Variants in OXR1 observed in about 807,000 individuals in gnomAD.
OXR1 encodes the protein oxidation resistance protein 1.
A neutral mutation model predicts 104.6 loss-of-function variants in OXR1; 41 were observed. That is an observed-to-expected ratio of 0.39 (90% CI 0.31 to 0.51). The LOEUF (loss-of-function observed/expected upper bound fraction) is 0.51. Among genes scored for constraint, OXR1 ranks in the 20% least tolerant of loss-of-function variants. OXR1 has a pLI of 0.77. For missense variants in OXR1, 955 were observed against 1,031.9 expected (o/e 0.93, Z 1.02); for synonymous variants, 348 against 348.4 (o/e 1.00, Z 0.01).
chr8:106,706,008 TTC>T, intron 8 of OXR1, among the ~76,000 whole-genome samples: 1 of 152,286 alleles, frequency 6.6e-6, no homozygotes, highest in Middle Eastern at 3.4e-3. Context: ...AATTAAACAT[TTC>T]TCTGTGTTTA....
intron 2 of OXR1, among the ~76,000 whole-genome samples, chr8:106,449,235 T>TA (rs1423273330): frequency 6.6e-6 from 1 of 152,172 alleles, no homozygotes; most frequent in African/African-American, 2.4e-5. Context: ...ACTCTTCGTT[T>TA]AATTATAAGT....
At chr8:106,729,899 G>A (rs999256342) in intron 11 of OXR1, 5 of 152,070 alleles carry the variant, frequency 3.3e-5, no homozygotes, top group Non-Finnish European at 7.4e-5. Context: ...TGCAAGTTAT[G>A]AGGCATAATA....
At chr8:106,580,404 TTTTC>T (rs1282225582) in intron 3 of OXR1, among the ~76,000 whole-genome samples, 1 of 152,206 alleles carries the variant, frequency 6.6e-6, no homozygotes, top group Non-Finnish European at 1.5e-5. Context: ...CATGACAGGG[TTTTC>T]TTTCTATGAC....
At chr8:106,573,125 C>T (rs983434607) in intron 3 of OXR1, among the ~76,000 whole-genome samples, 11 of 152,088 alleles carry the variant, frequency 7.2e-5, no homozygotes, top group Non-Finnish European at 1.6e-4. Flanking sequence ...TTCCCTTTTA[C>T]TAAATCTTTT....
intron 2 of OXR1, among the ~76,000 whole-genome samples, chr8:106,489,397 G>A (rs1419423795): frequency 1.3e-5 from 2 of 152,170 alleles, no homozygotes; most frequent in African/African-American, 2.4e-5. Context: ...GGGTGAGTTT[G>A]AGCAATTGCC....
intron 2 of OXR1, among the ~76,000 whole-genome samples, chr8:106,464,897 T>C (rs1821094948): frequency 6.6e-6 from 1 of 152,002 alleles, no homozygotes; most frequent in Non-Finnish European, 1.5e-5. Context: ...ACATTTATAC[T>C]CATTCATTCA....
chr8:106,597,043 C>T (rs965440274), intron 3 of OXR1, among the ~76,000 whole-genome samples: 1 of 152,038 alleles, frequency 6.6e-6, no homozygotes, highest in African/African-American at 2.4e-5. Context: ...CAGAGCGAGA[C>T]TGCACCTCAA....
chr8:106,676,243 A>G (rs1482807069), intron 3 of OXR1, among the ~76,000 whole-genome samples: 1 of 151,956 alleles, frequency 6.6e-6, no homozygotes, highest in Non-Finnish European at 1.5e-5. Context: ...CAGCATATCA[A>G]TGTTCTTGGT....
intron 3 of OXR1, among the ~76,000 whole-genome samples, chr8:106,608,591 T>C (rs1820577280): frequency 6.6e-6 from 1 of 152,176 alleles, no homozygotes; most frequent in Non-Finnish European, 1.5e-5. Flanking sequence ...GGAAATAATT[T>C]TTCTATATGC....
chr8:106,301,215 G>A lies in OXR1; in HGVS notation c.-139+30848G>A, dbSNP rs7005872. On this transcript the variant is annotated intron_variant, in intron 1 of 16. Coordinates refer to ENST00000517566, the MANE Select transcript of OXR1 (RefSeq NM_001198533.2). ...AGAAGCAGCGCTTGTCACTGATAGG[G>A]TGTTGTTTATAAATTTTGCAGTCAC... is the stretch of plus-strand genomic sequence containing the variant. Among the ~76,000 whole-genome samples, 517 of 152,230 alleles carry A rather than the reference G, an allele frequency of 3.4e-3. 4 individuals are homozygous for A. Among genetic ancestry groups the A allele is most frequent in the African/African-American group, 0.011 (460 of 41,520 alleles).
chr8:106,274,603 C>A (rs1223443020), intron 1 of OXR1, among the ~76,000 whole-genome samples: 2 of 131,652 alleles, frequency 1.5e-5, no homozygotes, highest in Admixed American at 7.5e-5. Flanking sequence ...CAACGCCACC[C>A]CCCCCCCGAC....
chr8:106,693,499 G>A (rs1393645427), intron 7 of OXR1, among the ~76,000 whole-genome samples: 5 of 140,428 alleles, frequency 3.6e-5, no homozygotes, highest in African/African-American at 8.2e-5. Context: ...GCGTGATCTC[G>A]GCTCACTGCA....
At chr8:106,447,917 T>C in intron 2 of OXR1, 1 of 1,523,464 alleles carries the variant, frequency 6.6e-7, no homozygotes, top group Non-Finnish European at 8.8e-7. Context: ...AGGTAGTGGG[T>C]GGAGCTAACG....
chr8:106,327,161 TG>T (rs1395826881), intron 1 of OXR1, among the ~76,000 whole-genome samples: 2 of 152,170 alleles, frequency 1.3e-5, no homozygotes, highest in African/African-American at 4.8e-5. Context: ...GAACCTCCAA[TG>T]GTTAGCTCAT....
intron 3 of OXR1, among the ~76,000 whole-genome samples, chr8:106,590,943 CTTTTGAGATAAGTACACA>C (rs971508486): frequency 2.6e-5 from 4 of 152,090 alleles, no homozygotes; most frequent in East Asian, 3.9e-4. Context: ...GGACCTGGAG[CTTTTGAGATAAGTACACA>C]TTTTGAGATA....
intron 2 of OXR1, among the ~76,000 whole-genome samples, chr8:106,453,120 G>A (rs1305414293): frequency 6.6e-6 from 1 of 152,134 alleles, no homozygotes; most frequent in African/African-American, 2.4e-5. Context: ...CAAGTGCCTG[G>A]TCAGATGTGA....
intron 3 of OXR1, among the ~76,000 whole-genome samples, chr8:106,651,949 T>G (rs1203556928): frequency 1.3e-5 from 2 of 152,172 alleles, no homozygotes; most frequent in Non-Finnish European, 2.9e-5. Context: ...ATGTTTTGTA[T>G]TTTTCAGTAA....
chr8:106,323,354 A>T (rs1814311087), intron 1 of OXR1, among the ~76,000 whole-genome samples: 1 of 151,998 alleles, frequency 6.6e-6, no homozygotes, highest in Admixed American at 6.6e-5. Context: ...TCTTTACACC[A>T]TATACAAAAG....
At chr8:106,496,591 T>G (rs1586721611) in intron 2 of OXR1, among the ~76,000 whole-genome samples, 1 of 152,290 alleles carries the variant, frequency 6.6e-6, no homozygotes, top group East Asian at 1.9e-4. Context: ...CATTGGTGAT[T>G]CTTGGTGCAG....
Sources: allele counts gnomAD v4.1 joint callset (sites outside exome capture counted in the v4.1 genomes callset), GRCh38; gene constraint gnomAD v4.1.1; transcripts MANE v1.5; gene names NCBI Gene and HGNC (gene_info 2026-07-23, HGNC 2026-07-21).